CRMP1: variants seen among roughly 807,000 people sequenced by gnomAD.
CRMP1 encodes collapsin response mediator protein 1.
CRMP1 carries 19 observed loss-of-function variants against 68.3 expected under a neutral mutation model. The ratio of observed to expected loss-of-function variants is 0.28; its 90% CI spans 0.19 to 0.41. The LOEUF is 0.41. CRMP1 is among the 10% of genes least tolerant of loss of function. The pLI is 1.00. For missense variants in CRMP1, 791 were observed against 967.4 expected (o/e 0.82, Z 2.42); for synonymous variants, 439 against 399.6 (o/e 1.10, Z -1.18).
At chr4:5,848,217 T>C (rs1331903661) in intron 6 of CRMP1, among the ~76,000 whole-genome samples, 1 of 151,736 alleles carries the variant, frequency 6.6e-6, no homozygotes, top group Non-Finnish European at 1.5e-5. Context: ...TGATCTCAGC[T>C]CACTGCAAGC....
At chr4:5,828,791 A>AAAT (rs898259890) in intron 11 of CRMP1, 123 bp from the exon 12 acceptor site, 22 of 1,197,976 alleles carry the variant, frequency 1.8e-5, no homozygotes, top group Admixed American at 1.1e-4. Context: ...TTCTCTCTAA[A>AAAT]AATACCTTTT....
Position 5,892,782 on chromosome 4 carries a change from G to A in CRMP1, c.188C>T (p.Thr63Met). 3 of 1,300,324 alleles carry A rather than the reference G, an allele frequency of 2.3e-6. No individual in the cohort carries two copies. The highest frequency in any genetic ancestry group is 2.1e-5 in the South Asian group (1 of 47,632). 80.5% of individuals were successfully genotyped at this position (1,300,324 alleles called of 1,614,324 possible). A position where few individuals can be genotyped will look rare whatever the true frequency, so the allele number is the denominator to read the frequency against. The change falls in exon 1 of 14, where the codon ACG becomes ATG. Residue 63 changes from threonine (T) to methionine (M), a missense_variant. By Grantham distance (81) the Thr-to-Met change is moderately conservative. Transcript: ENST00000324989. This position sits in a 1 kb window ranked among gnomAD's most constrained non-coding sequence, Gnocchi z 8.6. Reference sequence around the variant, plus strand: ...GTCGGGCCGGCCAGCGCTGCGCGGCGTGCGCGCCGAGCCGCGGCGGCCCAC... The same window carrying A: ...GTCGGGCCGGCCAGCGCTGCGCGGCATGCGCGCCGAGCCGCGGCGGCCCAC... ...YSVGRRGSAR[T>M]PRSAGRPDAV...
chr4:5,833,243 C>T lies in CRMP1; in HGVS notation c.1623+2672G>A, dbSNP rs576307975. The stretch of plus-strand genomic sequence containing the variant: ...GTGCAGTGGTGGGATCTCGGCTCAC[C>T]GCAAGCTCCGCCTCCCGGGTTCACG... On this transcript the variant is annotated intron_variant, in intron 11 of 13. Coordinates refer to ENST00000324989, the MANE Select transcript of CRMP1 (RefSeq NM_001014809.3). 9.7e-4 allele frequency among the ~76,000 whole-genome samples: 86 copies of T among 88,332 alleles called. 14 individuals carry two copies. The highest frequency in any genetic ancestry group is 1.6e-3 in the Non-Finnish European group (64 of 40,406). 57.9% of individuals were successfully genotyped at this position (88,332 alleles called of 152,430 possible).
chr4:5,821,949 C>A lies in CRMP1; in HGVS notation c.1970-98G>T. 1 of 1,114,556 alleles carries A rather than the reference C, an allele frequency of 9.0e-7. No individual in the cohort carries two copies. Among genetic ancestry groups the A allele is most frequent in the Non-Finnish European group, 1.3e-6 (1 of 782,820 alleles). The allele number at this position is 1,114,556 out of a possible 1,614,324, so 69.0% of individuals were successfully genotyped here. ...TACTCTGCCATGCACTCCACTGGAC[C>A]CACCTTCATTCAGGGCTCAGTCCAG... On this transcript the variant is annotated intron_variant, in intron 13 of 13. Coordinates refer to ENST00000324989, the MANE Select transcript of CRMP1 (RefSeq NM_001014809.3). This position sits in a 1 kb window ranked among gnomAD's most constrained non-coding sequence, Gnocchi z 4.4.
intron 1 of CRMP1, among the ~76,000 whole-genome samples, chr4:5,867,700 A>T (rs545057956): frequency 9.9e-5 from 15 of 152,248 alleles, no homozygotes; most frequent in African/African-American, 3.4e-4. Context: ...GTCATGGGGT[A>T]TGTGGGGTTG....
chr4:5,821,810 G>C lies in CRMP1; in HGVS notation c.2011C>G (p.Arg671Gly). ...CGGCCACCAGGGGGCGCCACGATGCGGTGGCCGGTGCGCCTGGGATTGTTG... is the reference window on the plus strand; with the variant it reads ...CGGCCACCAGGGGGCGCCACGATGCCGTGGCCGGTGCGCCTGGGATTGTTG... Reference protein sequence around the residue: ...DDNNPRRTGHRIVAPPGGRSN... With the variant: ...DDNNPRRTGHGIVAPPGGRSN... The change falls in exon 14 of 14, where the codon CGC (arginine) becomes GGC (glycine). Residue 671 changes from arginine to glycine, a missense_variant. By Grantham distance (125) the Arg-to-Gly change is moderately radical (BLOSUM62 -2). Coordinates refer to ENST00000324989, the MANE Select transcript of CRMP1 (RefSeq NM_001014809.3). This position sits in a 1 kb window ranked among gnomAD's most constrained non-coding sequence, Gnocchi z 4.4. The C allele has an allele frequency of 1.2e-6, 2 of 1,611,330 alleles. No individual in the cohort carries two copies. The highest frequency in any genetic ancestry group is 1.7e-6 in the Non-Finnish European group (2 of 1,179,286).
intron 2 of CRMP1, among the ~76,000 whole-genome samples, chr4:5,862,317 C>G (rs10223006): frequency 6.8e-6 from 1 of 147,686 alleles, no homozygotes. Flanking sequence ...CAATCCCTTA[C>G]CCCCAGAATG....
In CRMP1 at chr4:5,866,434, G is replaced by C. The variant is rs986630454; in HGVS notation, c.470+234C>G. Among the ~76,000 whole-genome samples the C allele has an allele frequency of 6.6e-5, 10 of 152,236 alleles. No homozygotes were observed. The highest frequency in any genetic ancestry group is 2.4e-4 in the African/African-American group (10 of 41,464). ...CAGCCTTTGTGTGAGCATTGCAAGA[G>C]AGGAGCTGCCTCAGCCGTGTGGCAG... On this transcript the variant is annotated intron_variant, in intron 2 of 13. Coordinates refer to ENST00000324989, the MANE Select transcript of CRMP1 (RefSeq NM_001014809.3). The surrounding 1 kb of genome is among the most constrained non-coding windows in gnomAD (Gnocchi z 5.9).
In CRMP1 at chr4:5,825,201, A is replaced by C. The variant is rs1449438116; in HGVS notation, c.1969+293T>G. ...TTTACTTTCATGAGGAAGAGTGTGAAAGTGTCCCCAAATGTGTGTAAGGAT... is the reference window on the plus strand; with the variant it reads ...TTTACTTTCATGAGGAAGAGTGTGACAGTGTCCCCAAATGTGTGTAAGGAT... On this transcript the variant is annotated intron_variant, in intron 13 of 13. Coordinates refer to ENST00000324989, the MANE Select transcript of CRMP1 (RefSeq NM_001014809.3). This position sits in a 1 kb window ranked among gnomAD's most constrained non-coding sequence, Gnocchi z 4.4. 2.0e-6 allele frequency: 2 copies of C among 985,186 alleles called. No individual in the cohort carries two copies. The highest frequency in any genetic ancestry group is 2.3e-4 in the East Asian group (2 of 8,806). The allele number at this position is 985,186 out of a possible 1,614,324, so 61.0% of individuals were successfully genotyped here.
intron 1 of CRMP1, among the ~76,000 whole-genome samples, chr4:5,875,927 TG>T (rs1714796249): frequency 6.6e-6 from 1 of 151,938 alleles, no homozygotes; most frequent in African/African-American, 2.4e-5. Flanking sequence ...CCGAAGCGGG[TG>T]GATCATGAGG....
chr4:5,831,853 C>G lies in CRMP1; in HGVS notation c.1624-3185G>C, dbSNP rs73079545. The stretch of plus-strand genomic sequence containing the variant: ...ACACAAAACACCATGATGAAAAAAC[C>G]TCTTGCCATCCATGAGCCCCATTTC... On this transcript the variant is annotated intron_variant, in intron 11 of 13. Coordinates refer to ENST00000324989, the MANE Select transcript of CRMP1 (RefSeq NM_001014809.3). Among the ~76,000 whole-genome samples, 1,020 of 152,252 alleles carry G rather than the reference C, an allele frequency of 6.7e-3. 9 individuals carry two copies. Among genetic ancestry groups the G allele is most frequent in the African/African-American group, 0.022 (908 of 41,532 alleles).
chr4:5,866,116 G>A lies in CRMP1; in HGVS notation c.470+552C>T, dbSNP rs1038234111. On this transcript the variant is annotated intron_variant, in intron 2 of 13. Coordinates refer to ENST00000324989, the MANE Select transcript of CRMP1 (RefSeq NM_001014809.3). This position sits in a 1 kb window ranked among gnomAD's most constrained non-coding sequence, Gnocchi z 5.9. ...AAGACACCTGGGTTGTCATAAGCAG[G>A]GCTGAAGAGGGAGCCAATGAGAAGA... Among the ~76,000 whole-genome samples, 2 of 152,154 alleles carry A rather than the reference G, an allele frequency of 1.3e-5. No individual in the cohort carries two copies. The highest frequency in any genetic ancestry group is 2.4e-5 in the African/African-American group (1 of 41,446).
In CRMP1 at chr4:5,834,061, A is replaced by C. The variant is rs1259467834; in HGVS notation, c.1623+1854T>G. The stretch of plus-strand genomic sequence containing the variant: ...ACTCCATCTCAACAACAACAAAAGG[A>C]ATAGTAAGACAATCCCAGCTCAGTC... On this transcript the variant is annotated intron_variant, in intron 11 of 13. Transcript: ENST00000324989. This position sits in a 1 kb window ranked among gnomAD's most constrained non-coding sequence, Gnocchi z 4.3. 1.3e-5 allele frequency among the ~76,000 whole-genome samples: 2 copies of C among 152,124 alleles called. No individual in the cohort carries two copies. The highest frequency in any genetic ancestry group is 2.9e-5 in the Non-Finnish European group (2 of 68,014).
chr4:5,827,182 G>A (rs980211838), intron 12 of CRMP1, among the ~76,000 whole-genome samples: 21 of 152,202 alleles, frequency 1.4e-4, no homozygotes, highest in Non-Finnish European at 2.6e-4. Context: ...CTGCCCTCAC[G>A]GAAGCTGACT....
chr4:5,847,483 A>T (rs1359676016), intron 6 of CRMP1, among the ~76,000 whole-genome samples: 1 of 152,150 alleles, frequency 6.6e-6, no homozygotes, highest in Non-Finnish European at 1.5e-5. Flanking sequence ...CCCTTGTATA[A>T]TCCCTTCTTT....
In CRMP1 at chr4:5,879,591, C is replaced by T. The variant is rs1715092400; in HGVS notation, c.382-12835G>A. 6.6e-6 allele frequency among the ~76,000 whole-genome samples: 1 copy of T among 152,286 alleles called. No individual in the cohort carries two copies. The highest frequency in any genetic ancestry group is 2.4e-5 in the African/African-American group (1 of 41,560). ...GGAACCCATCAAAATACCTACCTCA[C>T]AAGATTACTTGAAATAATATGTAAA... On this transcript the variant is annotated intron_variant, in intron 1 of 13. Coordinates refer to ENST00000324989, the MANE Select transcript of CRMP1 (RefSeq NM_001014809.3). The surrounding 1 kb of genome is among the most constrained non-coding windows in gnomAD (Gnocchi z 4.2).
At chr4:5,875,755 A>G (rs922031794) in intron 1 of CRMP1, among the ~76,000 whole-genome samples, 13 of 152,106 alleles carry the variant, frequency 8.5e-5, no homozygotes, top group South Asian at 6.2e-4. Context: ...ATGGACACAG[A>G]GACCGTGAGT....
chr4:5,851,072 G>A (rs950616982), intron 5 of CRMP1, among the ~76,000 whole-genome samples: 10 of 152,104 alleles, frequency 6.6e-5, no homozygotes, highest in African/African-American at 1.7e-4. Context: ...CAGAGCTTTC[G>A]GGAAGTACAG....
At chr4:5,867,861 TATAG>T (rs1348351502) in intron 1 of CRMP1, among the ~76,000 whole-genome samples, 2 of 152,136 alleles carry the variant, frequency 1.3e-5, no homozygotes, top group African/African-American at 4.8e-5. Context: ...TCTGTATGAC[TATAG>T]ATAGATAAAT....
Sources: gnomAD v4.1 joint callset for allele counts (sites outside exome capture counted in the v4.1 genomes callset) on GRCh38, gnomAD v4.1.1 for gene constraint, Gnocchi (gnomAD v3.1) non-coding constraint, MANE v1.5 for transcripts, NCBI Gene and HGNC (gene_info 2026-07-23, HGNC 2026-07-21) for gene names.